Variants in YEATS4 observed in about 807,000 individuals in gnomAD.
The protein encoded by YEATS4 is YEATS domain-containing protein 4.
Under a neutral mutation model 30.1 loss-of-function variants are expected in YEATS4, and 17 were observed. That is an observed-to-expected ratio of 0.56 (90% CI 0.39 to 0.85). The LOEUF (loss-of-function observed/expected upper bound fraction) is 0.85, where lower values mean the gene tolerates loss of function less well. Among genes scored for constraint, YEATS4 ranks in the 40% least tolerant of loss-of-function variants. YEATS4 has a pLI of 0.00. For missense variants in YEATS4, 142 were observed against 268.3 expected, an observed-to-expected ratio of 0.53 and a Z score of 3.29; for synonymous variants, 85 against 87.5, an observed-to-expected ratio of 0.97 and a Z score of 0.16.
intron 6 of YEATS4, among the ~76,000 whole-genome samples, chr12:69,383,110 T>G (rs1876141311): frequency 6.6e-6 from 1 of 152,080 alleles, no homozygotes; most frequent in Non-Finnish European, 1.5e-5. Context: ...AAAAAATTTT[T>G]TTAATTTTCT....
rs929737994 is a variant in YEATS4 at position 69,368,685 on chromosome 12, A to G, written c.334-2021A>G. Among the ~76,000 whole-genome samples the G allele has an allele frequency of 5.9e-5, 9 of 152,330 alleles. No individual in the cohort carries two copies. The Middle Eastern group carries it at 0.014, about 230-fold the overall frequency. ...GAAGTCTGAAATCAAGGTGTTGGCC[A>G]TGTTTTTTCCAAAGCCTTTAGGGGA... On this transcript the variant is annotated intron_variant, in intron 4 of 6. Transcript: ENST00000247843.
the YEATS4 span, among the ~76,000 whole-genome samples, chr12:69,395,901 T>TATGAGTTTCATCTATCTCCTGCCC: frequency 6.6e-6 from 1 of 152,218 alleles, no homozygotes; most frequent in African/African-American, 2.4e-5. Flanking sequence ...CAGTTAAAGG[T>TATGAGTTTCATCTATCTCCTGCCC]ATGAGTTTCA....
chr12:69,387,126 T>G (rs1283295045), intron 6 of YEATS4, among the ~76,000 whole-genome samples: 1 of 152,118 alleles, frequency 6.6e-6, no homozygotes, highest in Admixed American at 6.5e-5. Context: ...TAAAGCTGTA[T>G]ATAGCTCTTA....
intron 6 of YEATS4, among the ~76,000 whole-genome samples, chr12:69,376,539 T>C (rs1875882398): frequency 6.6e-6 from 1 of 152,254 alleles, no homozygotes; most frequent in Non-Finnish European, 1.5e-5. Context: ...GAGCGATTCT[T>C]ACATCCCTGG....
chr12:69,409,136 A>G, the YEATS4 span, among the ~76,000 whole-genome samples: 1 of 152,168 alleles, frequency 6.6e-6, no homozygotes, highest in Non-Finnish European at 1.5e-5. Context: ...CTTGGTTTGA[A>G]TCGTGGCTCC....
the YEATS4 span, among the ~76,000 whole-genome samples, chr12:69,396,030 C>T: frequency 3.3e-5 from 5 of 152,088 alleles, no homozygotes; most frequent in East Asian, 7.7e-4. Flanking sequence ...TTATGTAATA[C>T]GCCTCATGTC....
intron 4 of YEATS4, among the ~76,000 whole-genome samples, chr12:69,366,594 C>T (rs1439536752): frequency 6.6e-6 from 1 of 152,052 alleles, no homozygotes; most frequent in Non-Finnish European, 1.5e-5. Context: ...AACCACTAGG[C>T]CTTTTTTTTT....
intron 6 of YEATS4, among the ~76,000 whole-genome samples, chr12:69,373,698 C>G (rs138696288): frequency 0.014 from 2,060 of 152,276 alleles, 23 homozygotes; most frequent in Admixed American, 0.023. Context: ...AAATCTTTGT[C>G]CAGTCCAGTG....
Position 69,365,793 on chromosome 12 carries a change from T to C in YEATS4, c.242T>C (p.Val81Ala). 1 of 1,606,434 alleles carries C rather than the reference T, an allele frequency of 6.2e-7. No homozygotes were observed. The highest frequency in any genetic ancestry group is 8.5e-7 in the Non-Finnish European group (1 of 1,176,370). ...HESYGNPLRV[V>A]TKPPYEITET... The stretch of plus-strand genomic sequence containing the variant: ...ACTATTTTTTTTCTGTCTTTAGTTG[T>C]TACTAAACCTCCATATGAAATTACT... Residue 81 changes from valine to alanine, a missense_variant, in exon 4 of 7, where the codon GTT becomes GCT. This residue lies in a region of YEATS4 where 64 missense variants were observed against 164.0 expected (regional missense o/e 0.39). Coordinates refer to ENST00000247843, the MANE Select transcript of YEATS4 (RefSeq NM_006530.4).
chr12:69,360,659 G>A (rs998522236), intron 1 of YEATS4, among the ~76,000 whole-genome samples: 1 of 139,370 alleles, frequency 7.2e-6, no homozygotes, highest in Non-Finnish European at 1.5e-5. Context: ...ACAGCCCCTG[G>A]CACGTTAATT....
the YEATS4 span, among the ~76,000 whole-genome samples, chr12:69,420,265 GC>G: frequency 6.6e-6 from 1 of 152,260 alleles, no homozygotes; most frequent in African/African-American, 2.4e-5. Flanking sequence ...GAGGGAGGAG[GC>G]AGGGAGACCA....
chr12:69,413,952 T>C, the YEATS4 span, among the ~76,000 whole-genome samples: 1 of 152,132 alleles, frequency 6.6e-6, no homozygotes, highest in Non-Finnish European at 1.5e-5. Flanking sequence ...ATCAAAGGGC[T>C]GCCCTAACCC....
chr12:69,374,855 G>T (rs549534268), intron 6 of YEATS4, among the ~76,000 whole-genome samples: 15 of 151,956 alleles, frequency 9.9e-5, no homozygotes, highest in Non-Finnish European at 1.6e-4. Context: ...CGACAAAACC[G>T]CCATCGTCAT....
chr12:69,372,147 T>G (rs1430684126), intron 6 of YEATS4, among the ~76,000 whole-genome samples: 3 of 152,162 alleles, frequency 2.0e-5, no homozygotes, highest in Non-Finnish European at 4.4e-5. Context: ...TATGAAGTCA[T>G]TTGTGAGTTT....
chr12:69,376,452 A>G (rs1592854311), intron 6 of YEATS4, among the ~76,000 whole-genome samples: 1 of 152,248 alleles, frequency 6.6e-6, no homozygotes, highest in African/African-American at 2.4e-5. Flanking sequence ...ATCCTTTTTC[A>G]GCATCAATTG....
At chr12:69,380,838 T>G (rs7304714) in intron 6 of YEATS4, among the ~76,000 whole-genome samples, 60,916 of 151,778 alleles carry the variant, frequency 0.4, 12,491 homozygotes, top group Non-Finnish European at 0.46. Context: ...TGTCGGCAGG[T>G]TCCATGATGC....
chr12:69,392,516 A>G (rs1868323727), downstream of YEATS4, among the ~76,000 whole-genome samples: 1 of 152,260 alleles, frequency 6.6e-6, no homozygotes, highest in Admixed American at 6.5e-5. Flanking sequence ...TAAATGTGGT[A>G]TCTCCATATG....
chr12:69,368,608 A>G (rs315133), intron 4 of YEATS4, among the ~76,000 whole-genome samples: 9,007 of 152,222 alleles, frequency 0.059, 391 homozygotes, highest in African/African-American at 0.12. Flanking sequence ...CTGGTACCAT[A>G]AACTGGGTGG....
chr12:69,416,031 G>A, the YEATS4 span, among the ~76,000 whole-genome samples: 2 of 152,166 alleles, frequency 1.3e-5, no homozygotes, highest in African/African-American at 2.4e-5. Context: ...TGAGAACTGA[G>A]CCATTACACC....
Sources: allele counts gnomAD v4.1 joint callset (sites outside exome capture counted in the v4.1 genomes callset), GRCh38; gene constraint gnomAD v4.1.1; regional missense constraint gnomAD v4.1.1; transcripts MANE v1.5; gene names NCBI Gene and HGNC (gene_info 2026-07-23, HGNC 2026-07-21).